C10orf105: variants seen among roughly 807,000 people sequenced by gnomAD.
C10orf105 encodes the protein chromosome 10 open reading frame 105.
In C10orf105, 2 loss-of-function variants were observed where a neutral mutation model predicts 0.6. That is an observed-to-expected ratio of 3.18 (90% CI 1.30 to 10.01). The LOEUF (loss-of-function observed/expected upper bound fraction) is 10.01. Ranked by LOEUF, C10orf105 falls within the 30% of genes most tolerant of loss-of-function variation. C10orf105 has a pLI of 0.04. For missense variants in C10orf105, 209 were observed against 191.4 expected (o/e 1.09, Z -0.54); for synonymous variants, 95 against 82.4 (o/e 1.15, Z -0.83).
At chr10:71,722,159 G>A (rs572832210), upstream of C10orf105, among the ~76,000 whole-genome samples, 18 of 152,298 alleles carry the variant, frequency 1.2e-4, no homozygotes, top group African/African-American at 3.9e-4. Context: ...TCTTAGGCAG[G>A]GCCAGACATG....
chr10:71,729,380 A>G (rs137936749), intron 1 of C10orf105, among the ~76,000 whole-genome samples: 32 of 152,344 alleles, frequency 2.1e-4, no homozygotes, highest in Non-Finnish European at 3.8e-4. Flanking sequence ...AACAGACAGC[A>G]AAGTGTCATG....
At chr10:71,720,032 T>C (rs1208903047), upstream of C10orf105, among the ~76,000 whole-genome samples, 2 of 152,236 alleles carry the variant, frequency 1.3e-5, no homozygotes, top group East Asian at 1.9e-4. Context: ...TGCGGCCCCA[T>C]GGCGCTCACC....
intron 1 of C10orf105, among the ~76,000 whole-genome samples, chr10:71,718,097 G>A (rs1866369002): frequency 1.3e-5 from 2 of 152,276 alleles, no homozygotes; most frequent in African/African-American, 2.4e-5. Flanking sequence ...TCATGAGGGT[G>A]GGGGATAGCA....
chr10:71,712,774 C>G lies in C10orf105; in HGVS notation c.*3162G>C, dbSNP rs371962929. 23 of 1,613,032 alleles carry G rather than the reference C, an allele frequency of 1.4e-5. No individual in the cohort carries two copies. In the East Asian group the frequency reaches 4.9e-4, roughly 34 times the overall value. On this transcript the variant is annotated 3_prime_UTR_variant, in exon 2 of 2. Transcript: ENST00000441508. ...TTCTGCAGAGCAGCTATGAGGCCAG[C>G]GTCCCTGAGGACATCCCTGAAGGCC... is the stretch of plus-strand genomic sequence containing the variant.
upstream of C10orf105, among the ~76,000 whole-genome samples, chr10:71,720,299 G>A (rs967142251): frequency 6.6e-6 from 1 of 152,072 alleles, no homozygotes; most frequent in African/African-American, 2.4e-5. Context: ...GAGGGGTGAG[G>A]GGCATCTTCA....
At chr10:71,722,195 C>A (rs1373186612), upstream of C10orf105, among the ~76,000 whole-genome samples, 1 of 152,216 alleles carries the variant, frequency 6.6e-6, no homozygotes, top group African/African-American at 2.4e-5. Flanking sequence ...AATCCCACCA[C>A]TTTGGGAAGC....
upstream of C10orf105, among the ~76,000 whole-genome samples, chr10:71,723,406 T>TC (rs200445963): frequency 3.2e-3 from 486 of 150,910 alleles, 3 homozygotes; most frequent in South Asian, 0.019. Flanking sequence ...GACAACAACG[T>TC]CCCCCCCCAC....
intron 1 of C10orf105, chr10:71,732,326 C>T (rs759595100): frequency 1.9e-5 from 31 of 1,592,894 alleles, no homozygotes; most frequent in Non-Finnish European, 2.6e-5. Flanking sequence ...CGCTTCAACG[C>T]CTACACCAGC....
chr10:71,734,131 A>T, intron 1 of C10orf105: 1 of 859,428 alleles, frequency 1.2e-6, no homozygotes, highest in Non-Finnish European at 1.9e-6. Context: ...TGTCCTGGGG[A>T]AGTTATGCCG....
rs764695323 is a variant in C10orf105 at position 71,713,220 on chromosome 10, C to G, written c.*2716G>C. ...CACAGAGCCCTTGGCCGAGGCTCCC[C>G]TCTTGGGAAGTAAACAGGCACAAGA... On this transcript the variant is annotated 3_prime_UTR_variant, in exon 2 of 2. Transcript: ENST00000441508. 9 of 779,074 alleles carry G rather than the reference C, an allele frequency of 1.2e-5. No individual in the cohort carries two copies. In the East Asian group the frequency reaches 1.7e-4, roughly 15 times the overall value. The allele number at this position is 779,074 out of a possible 1,614,324, so 48.3% of individuals were successfully genotyped here.
intron 1 of C10orf105, chr10:71,730,637 T>C (rs1444351463): frequency 2.5e-6 from 4 of 1,612,052 alleles, no homozygotes; most frequent in East Asian, 2.2e-5. Flanking sequence ...GGGGATCCCA[T>C]TGCTCAGAGC....
At position 71,715,909 on chromosome 10, in the gene C10orf105, T is replaced by A; in HGVS notation, c.*27A>T. 1 of 1,443,874 alleles carries A rather than the reference T, an allele frequency of 6.9e-7. No individual in the cohort carries two copies. The highest frequency in any genetic ancestry group is 3.0e-5 in the Admixed American group (1 of 33,776). The allele number at this position is 1,443,874 out of a possible 1,614,324, so 89.4% of individuals were successfully genotyped here. On this transcript the variant is annotated 3_prime_UTR_variant, in exon 2 of 2. Coordinates refer to ENST00000441508, the MANE Select transcript of C10orf105 (RefSeq NM_001164375.3). ...GGATCTACAGGTAGACCTAGGGGGA[T>A]GTGGGGGCATGTTTGTGGACACCCC...
rs187803526 is a variant in C10orf105, at chr10:71,734,153, T to C, written c.-6+3575A>G. ...GGGAAGTTATGCCGGACAGAGGAAG[T>C]GACATGGAGGTGGAAAAGTGGGCAG... is the stretch of plus-strand genomic sequence containing the variant. On this transcript the variant is annotated intron_variant, in intron 1 of 1. Coordinates refer to the C10orf105 transcript ENST00000398786. 1.1e-3 allele frequency: 1,144 copies of C among 1,058,088 alleles called. 12 individuals are homozygous for C. In the African/African-American group the frequency reaches 0.017, roughly 15 times the overall value. The allele number at this position is 1,058,088 out of a possible 1,614,324, so 65.5% of individuals were successfully genotyped here. A position where few individuals can be genotyped will look rare whatever the true frequency, so the allele number is the denominator to read the frequency against.
At chr10:71,727,354 C>A (rs1247096708) in intron 1 of C10orf105, among the ~76,000 whole-genome samples, 1 of 152,228 alleles carries the variant, frequency 6.6e-6, no homozygotes. Flanking sequence ...TGCCTCATCC[C>A]CACAGGGTAA....
Position 71,715,639 on chromosome 10 carries a change from A to T in C10orf105, c.*297T>A. On this transcript the variant is annotated 3_prime_UTR_variant, in exon 2 of 2. Coordinates refer to ENST00000441508, the MANE Select transcript of C10orf105 (RefSeq NM_001164375.3). Reference sequence around the variant, plus strand: ...CTTCTAGGAGGTGGTTACGAGCCCCAGGTTGTACCCTGTGGAGCCTCAGGC... The same window carrying T: ...CTTCTAGGAGGTGGTTACGAGCCCCTGGTTGTACCCTGTGGAGCCTCAGGC... The T allele has an allele frequency of 3.5e-6, 1 of 284,096 alleles. No homozygotes were observed. The highest frequency in any genetic ancestry group is 5.9e-5 in the East Asian group (1 of 16,878). The allele number at this position is 284,096 out of a possible 1,614,324, so 17.6% of individuals were successfully genotyped here.
Position 71,715,916 on chromosome 10 carries a change from G to T in C10orf105, c.*20C>A. The T allele has an allele frequency of 1.4e-6, 2 of 1,447,056 alleles. No individual in the cohort carries two copies. The highest frequency in any genetic ancestry group is 1.5e-5 in the South Asian group (1 of 67,610). 89.6% of individuals were successfully genotyped at this position (1,447,056 alleles called of 1,614,324 possible). A position where few individuals can be genotyped will look rare whatever the true frequency, so the allele number is the denominator to read the frequency against. On this transcript the variant is annotated 3_prime_UTR_variant, in exon 2 of 2. Coordinates refer to ENST00000441508, the MANE Select transcript of C10orf105 (RefSeq NM_001164375.3). ...CAGGTAGACCTAGGGGGATGTGGGG[G>T]CATGTTTGTGGACACCCCATTACAT...
chr10:71,724,216 A>AT, upstream of C10orf105: 1 of 1,165,690 alleles, frequency 8.6e-7, no homozygotes, highest in Non-Finnish European at 1.2e-6. Context: ...CCCCAGGGCC[A>AT]TATACATGGG....
In C10orf105 at chr10:71,712,928, G is replaced by A. The variant is rs910061479; in HGVS notation, c.*3008C>T. ...AGGCGGAAGCAGGTGGGGGCCCAGG[G>A]TGGGTCCGCTGCTCTGGAAGGTGCT... On this transcript the variant is annotated 3_prime_UTR_variant, in exon 2 of 2. Coordinates refer to ENST00000441508, the MANE Select transcript of C10orf105 (RefSeq NM_001164375.3). 5.9e-5 allele frequency: 74 copies of A among 1,258,634 alleles called. No individual in the cohort carries two copies. Among genetic ancestry groups the A allele is most frequent in the Non-Finnish European group, 7.7e-5 (68 of 884,328 alleles). 78.0% of individuals were successfully genotyped at this position (1,258,634 alleles called of 1,614,324 possible).
upstream of C10orf105, chr10:71,723,923 G>T: frequency 9.1e-7 from 1 of 1,097,804 alleles, no homozygotes; most frequent in South Asian, 1.3e-5. Context: ...GCCTCTGAGG[G>T]AGACCACAGG....
Sources: gnomAD v4.1 joint callset for allele counts (sites outside exome capture counted in the v4.1 genomes callset) on GRCh38, gnomAD v4.1.1 for gene constraint, MANE v1.5 for transcripts, NCBI Gene and HGNC (gene_info 2026-07-23, HGNC 2026-07-21) for gene names.